Variants in FRMD4A observed in about 807,000 individuals in gnomAD.
FRMD4A encodes FERM domain containing 4A.
Under a neutral mutation model 129.1 loss-of-function variants are expected in FRMD4A, and 29 were observed. The observed-to-expected ratio is 0.22, with a 90% CI of 0.17 to 0.31. The LOEUF (loss-of-function observed/expected upper bound fraction) is 0.31. Among genes scored for constraint, FRMD4A ranks in the 10% least tolerant of loss-of-function variants. The pLI, the probability that FRMD4A is intolerant of heterozygous loss-of-function variation, is 1.00. For synonymous variants in FRMD4A, 634 were observed against 571.6 expected (o/e 1.11, Z -1.56); for missense variants, 1,272 against 1,375.8 (o/e 0.92, Z 1.19).
In FRMD4A at chr10:14,147,398, T is replaced by C. The variant is rs984433568; in HGVS notation, c.45+182660A>G. 2.0e-5 allele frequency among the ~76,000 whole-genome samples: 3 copies of C among 152,286 alleles called. No homozygotes were observed. The East Asian group carries it at 5.8e-4, about 29-fold the overall frequency. ...GGTTTTGTGGAAGATACTTTTTCCG[T>C]GGACTGGGGAGAGGGGAATGGTTTC... On this transcript the variant is annotated intron_variant, in intron 2 of 24. Transcript: ENST00000357447.
chr10:14,227,243 C>CTTTTTTTTTTTTTTTTTCTTTTTTT (rs1843472907), intron 2 of FRMD4A, among the ~76,000 whole-genome samples: 1 of 64,130 alleles, frequency 1.6e-5, no homozygotes. Context: ...TCTTCTTCTT[C>CTTTTTTTTTTTTTTTTTCTTTTTTT]TTTTTTTTTT....
chr10:13,757,521 C>T (rs572368578), intron 8 of FRMD4A, among the ~76,000 whole-genome samples: 1 of 152,278 alleles, frequency 6.6e-6, no homozygotes, highest in East Asian at 1.9e-4. Context: ...CTAAACCTGA[C>T]ATTTCAGTGT....
chr10:13,764,275 C>G (rs190287024), intron 6 of FRMD4A, among the ~76,000 whole-genome samples: 1 of 150,024 alleles, frequency 6.7e-6, no homozygotes, highest in Non-Finnish European at 1.5e-5. Context: ...GAGGCAGAGG[C>G]GGATGGATCA....
chr10:14,044,540 A>G (rs1465996515), intron 2 of FRMD4A, among the ~76,000 whole-genome samples: 3 of 152,182 alleles, frequency 2.0e-5, no homozygotes, highest in Non-Finnish European at 4.4e-5. Context: ...AGAACACCAT[A>G]TGAGGACAGA....
intron 2 of FRMD4A, among the ~76,000 whole-genome samples, chr10:14,289,519 T>C (rs1214158982): frequency 6.6e-6 from 1 of 152,170 alleles, no homozygotes; most frequent in African/African-American, 2.4e-5. Context: ...TCCTTATATA[T>C]TTTGGATTTT....
intron 2 of FRMD4A, among the ~76,000 whole-genome samples, chr10:14,252,999 A>G (rs59142855): frequency 0.016 from 2,438 of 152,306 alleles, 58 homozygotes; most frequent in South Asian, 0.049. Context: ...ACCTTATTAG[A>G]TAAGTTATAA....
intron 2 of FRMD4A, among the ~76,000 whole-genome samples, chr10:14,274,705 C>A (rs927735619): frequency 6.6e-6 from 1 of 152,190 alleles, no homozygotes; most frequent in Admixed American, 6.5e-5. Context: ...GATCCTCTCC[C>A]ACCTCTTAGA....
intron 2 of FRMD4A, among the ~76,000 whole-genome samples, chr10:14,076,087 G>A (rs1835583509): frequency 6.6e-6 from 1 of 152,058 alleles, no homozygotes; most frequent in Admixed American, 6.6e-5. Flanking sequence ...TGAATAACCG[G>A]GTTTCATTAC....
intron 12 of FRMD4A, among the ~76,000 whole-genome samples, chr10:13,729,807 C>T (rs1393632477): frequency 6.6e-6 from 1 of 152,140 alleles, no homozygotes; most frequent in Non-Finnish European, 1.5e-5. Flanking sequence ...ATGCTGTCTG[C>T]TGAATATGTA....
chr10:13,858,735 AAC>A (rs2094248838), intron 3 of FRMD4A, 110 bp downstream of exon 3: 1 of 756,030 alleles, frequency 1.3e-6, no homozygotes, highest in Non-Finnish European at 2.4e-6. Context: ...CACAGATATT[AAC>A]AGAGATTTAA....
chr10:13,782,297 A>G (rs1440150917), intron 6 of FRMD4A, among the ~76,000 whole-genome samples: 1 of 152,078 alleles, frequency 6.6e-6, no homozygotes, highest in African/African-American at 2.4e-5. Flanking sequence ...CATTTGTCAT[A>G]CTTGTCTAGG....
At chr10:13,949,882 C>T (rs575480973) in intron 2 of FRMD4A, among the ~76,000 whole-genome samples, 3 of 152,208 alleles carry the variant, frequency 2.0e-5, no homozygotes, top group Non-Finnish European at 4.4e-5. Context: ...TTCAGAAGCA[C>T]TGGGGTATGG....
chr10:13,658,132 TA>T (rs565374030), intron 21 of FRMD4A, among the ~76,000 whole-genome samples: 3,847 of 81,164 alleles, frequency 0.047, 62 homozygotes, highest in African/African-American at 0.1. Flanking sequence ...CTGTCTCTCT[TA>T]AAAAAAAAAA....
At chr10:13,856,932 C>T (rs1482258283) in intron 3 of FRMD4A, among the ~76,000 whole-genome samples, 1 of 152,102 alleles carries the variant, frequency 6.6e-6, no homozygotes, top group Non-Finnish European at 1.5e-5. Context: ...TACACCAGAC[C>T]ACTCGCCTAT....
At chr10:13,825,862 C>T (rs12412893) in intron 3 of FRMD4A, among the ~76,000 whole-genome samples, 8 of 152,196 alleles carry the variant, frequency 5.3e-5, no homozygotes, top group Non-Finnish European at 8.8e-5. Flanking sequence ...CTGCATCTAA[C>T]GGACTTGAGC....
intron 2 of FRMD4A, among the ~76,000 whole-genome samples, chr10:14,230,577 G>T (rs1429450868): frequency 6.6e-6 from 1 of 152,118 alleles, no homozygotes; most frequent in Non-Finnish European, 1.5e-5. Flanking sequence ...GCTATCATTG[G>T]TACTCTTAAT....
chr10:13,910,725 G>A (rs566586348), intron 2 of FRMD4A, among the ~76,000 whole-genome samples: 2 of 152,010 alleles, frequency 1.3e-5, no homozygotes, highest in South Asian at 4.1e-4. Context: ...ATATGTGAGT[G>A]TTTTATTGAG....
chr10:13,947,627 CACAT>C (rs1320208056), intron 2 of FRMD4A, among the ~76,000 whole-genome samples: 5 of 149,950 alleles, frequency 3.3e-5, no homozygotes, highest in Non-Finnish European at 6.0e-5. Flanking sequence ...CACACACACA[CACAT>C]ATATATACAC....
intron 2 of FRMD4A, among the ~76,000 whole-genome samples, chr10:14,303,669 G>A (rs1434512595): frequency 6.6e-6 from 1 of 152,188 alleles, no homozygotes; most frequent in Non-Finnish European, 1.5e-5. Flanking sequence ...TTGTAGCCAG[G>A]ATGAAGGAGT....
Sources: allele counts gnomAD v4.1 joint callset (sites outside exome capture counted in the v4.1 genomes callset), GRCh38; gene constraint gnomAD v4.1.1; transcripts MANE v1.5; gene names NCBI Gene and HGNC (gene_info 2026-07-23, HGNC 2026-07-21).